The following PLXNB2 variants were observed in gnomAD, a reference collection of about 807,000 sequenced individuals.
PLXNB2 encodes plexin B2, also known as plexin-B2.
A neutral mutation model predicts 202.6 loss-of-function variants in PLXNB2; 85 were observed. That is an observed-to-expected ratio of 0.42 (90% CI 0.35 to 0.50). The LOEUF is 0.50. Ranked by LOEUF, PLXNB2 falls within the 20% of genes least tolerant of loss-of-function variation. The pLI, the probability that PLXNB2 is intolerant of heterozygous loss-of-function variation, is 0.02. For missense variants in PLXNB2, 2,063 were observed against 2,586.2 expected (o/e 0.80, Z 4.39); for synonymous variants, 1,239 against 1,137.6 (o/e 1.09, Z -1.79).
intron 25 of PLXNB2, among the ~76,000 whole-genome samples, 155 bp downstream of exon 25, chr22:50,280,334 G>A (rs1362712757): frequency 2.6e-5 from 4 of 152,204 alleles, no homozygotes; most frequent in Non-Finnish European, 5.9e-5. Context: ...TTTGTGGCCG[G>A]GGACACCACC....
rs1275635206 is a variant in PLXNB2 at position 50,282,082 on chromosome 22, C to T, written c.3118-1G>A. The T allele has an allele frequency of 1.2e-6, 2 of 1,610,024 alleles. No homozygotes were observed. Among genetic ancestry groups the T allele is most frequent in the Non-Finnish European group, 1.7e-6 (2 of 1,179,318 alleles). On this transcript the variant is annotated splice_acceptor_variant, in intron 19 of 36. Coordinates refer to ENST00000359337, the MANE Select transcript of PLXNB2 (RefSeq NM_012401.4). LOFTEE classifies it high-confidence loss of function. ...GGAACACGTAGTCTGTACCCACCAC[C>T]TGCAGGCAAGTCCCAGCTGTCAGCC... is the stretch of plus-strand genomic sequence containing the variant.
chr22:50,300,121 C>T (rs2067587095), intron 1 of PLXNB2, among the ~76,000 whole-genome samples: 3 of 152,268 alleles, frequency 2.0e-5, no homozygotes, highest in Admixed American at 2.0e-4. Flanking sequence ...CTCGGCCTCG[C>T]GCACCTGGAG....
chr22:50,294,647 T>C (rs2067130139), intron 2 of PLXNB2, 72 bp downstream of exon 2: 5 of 631,472 alleles, frequency 7.9e-6, no homozygotes, highest in Non-Finnish European at 9.9e-6. Context: ...CACATGGCAG[T>C]TCTAGATACC....
chr22:50,276,033 G>C (rs539166417), intron 35 of PLXNB2, 70 bp from the exon 36 acceptor site: 1 of 1,447,276 alleles, frequency 6.9e-7, no homozygotes, highest in African/African-American at 1.4e-5. Context: ...GGAGTAGTAC[G>C]GGACGCCCAG....
At position 50,297,452 on chromosome 22, in the gene PLXNB2, C is replaced by G. The variant is rs1257359219; in HGVS notation, c.-73-2674G>C. ...TTCTGCCGTCCTCTTCCCTGGCCCT[C>G]ACCGTGGAGAACGGCCATGGATTTC... is the stretch of plus-strand genomic sequence containing the variant. On this transcript the variant is annotated intron_variant, in intron 1 of 36. Transcript: ENST00000359337. The surrounding 1 kb of genome is among the most constrained non-coding windows in gnomAD (Gnocchi z 5.3). Among the ~76,000 whole-genome samples the G allele has an allele frequency of 6.6e-6, 1 of 152,198 alleles. No individual in the cohort carries two copies. Among genetic ancestry groups the G allele is most frequent in the Non-Finnish European group, 1.5e-5 (1 of 68,026 alleles).
In PLXNB2 at chr22:50,275,530, A is replaced by G. The variant is rs533084013; in HGVS notation, c.*174T>C. On this transcript the variant is annotated 3_prime_UTR_variant, in exon 37 of 37. Transcript: ENST00000359337. ...GGTGCGGTGCCCGGCGGTATTGCTC[A>G]GAGGAAGATGCTACAGTCTAGACGC... The G allele has an allele frequency of 1.8e-5, 12 of 663,824 alleles. No individual in the cohort carries two copies. The highest frequency in any genetic ancestry group is 2.8e-5 in the Non-Finnish European group (10 of 360,090). The allele number at this position is 663,824 out of a possible 1,614,324, so 41.1% of individuals were successfully genotyped here.
At chr22:50,287,371 TC>T in intron 7 of PLXNB2, 107 bp from the exon 8 acceptor site, 1 of 1,260,378 alleles carries the variant, frequency 7.9e-7, no homozygotes, top group Non-Finnish European at 1.1e-6. Context: ...CAGTGGAGCC[TC>T]CAGAACCCGA....
At position 50,297,976 on chromosome 22, in the gene PLXNB2, T is replaced by C. The variant is rs1028034244; in HGVS notation, c.-73-3198A>G. ...GTGCTCCCTGGAAAGCCCCTGCCCA[T>C]CCTTTAGACCCCGAGACACCCTCCC... On this transcript the variant is annotated intron_variant, in intron 1 of 36. Transcript: ENST00000359337. The surrounding 1 kb of genome is among the most constrained non-coding windows in gnomAD (Gnocchi z 5.3). Among the ~76,000 whole-genome samples, 2 of 152,090 alleles carry C rather than the reference T, an allele frequency of 1.3e-5. No individual in the cohort carries two copies. Among genetic ancestry groups the C allele is most frequent in the Non-Finnish European group, 2.9e-5 (2 of 68,010 alleles).
At chr22:50,296,680 C>T (rs1227064895) in intron 1 of PLXNB2, among the ~76,000 whole-genome samples, 1 of 151,926 alleles carries the variant, frequency 6.6e-6, no homozygotes, top group Non-Finnish European at 1.5e-5. Context: ...CTCTCCAGGC[C>T]CTCAATAGCC....
chr22:50,306,393 G>GC (rs2147740736), intron 1 of PLXNB2, among the ~76,000 whole-genome samples: 1 of 152,316 alleles, frequency 6.6e-6, no homozygotes, highest in South Asian at 2.1e-4. Flanking sequence ...CCCTCCGGGA[G>GC]ACCCTCACCT....
rs766073158 is a variant in PLXNB2, at chr22:50,282,034, G to A, written c.3165C>T (p.Phe1055=). Reference sequence around the variant, plus strand: ...GCTCCTCAGGCACAGCCGGGGACAGGAAGACGACCTTGGTGTCATTGTGGA... The same window carrying A: ...GCTCCTCAGGCACAGCCGGGGACAGAAAGACGACCTTGGTGTCATTGTGGA... The part of the protein sequence containing the change: ...YVFHNDTKVV[F]LSPAVPEEPE... The change falls in exon 20 of 37, where the codon TTC becomes TTT. Residue 1055 remains phenylalanine, a synonymous_variant. Transcript: ENST00000359337. 3.1e-6 allele frequency: 5 copies of A among 1,612,912 alleles called. No individual in the cohort carries two copies. In the Admixed American group the frequency reaches 5.0e-5, roughly 16 times the overall value.
At position 50,289,104 on chromosome 22, in the gene PLXNB2, C is replaced by T. The variant is rs772181387; in HGVS notation, c.1107G>A (p.Leu369=). 6.3e-7 allele frequency: 1 copy of T among 1,588,458 alleles called. No homozygotes were observed. Among genetic ancestry groups the T allele is most frequent in the Non-Finnish European group, 8.6e-7 (1 of 1,167,800 alleles). Residue 369 remains leucine, a synonymous_variant, in exon 4 of 37, where the codon CTG becomes CTA. Coordinates refer to ENST00000359337, the MANE Select transcript of PLXNB2 (RefSeq NM_012401.4). This position sits in a 1 kb window ranked among gnomAD's most constrained non-coding sequence, Gnocchi z 8.0. ...CGTCGCGGCTGCCCAGCGGGTAGGG[C>T]AGGTGCTCCGAGCCACATGGGAAGC... ...SKSFPCGSEH[L]PYPLGSRDGL... is the part of the protein sequence containing the mutation.
Position 50,279,647 on chromosome 22 carries a change from C to T in PLXNB2, c.4372G>A (p.Val1458Met). 1 of 1,613,860 alleles carries T rather than the reference C, an allele frequency of 6.2e-7. No homozygotes were observed. Residue 1458 changes from valine to methionine, a missense_variant, in exon 27 of 37, where the codon GTG (valine) becomes ATG (methionine). By Grantham distance (21) the Val-to-Met change is conservative. This residue lies in a region of PLXNB2 where 760 missense variants were observed against 1,109.4 expected (regional missense o/e 0.69). Transcript: ENST00000359337. ...LNDTGLLGDD[V>M]EYAPLTVSVI... is the part of the protein sequence containing the mutation. The stretch of plus-strand genomic sequence containing the variant: ...AAGCTCACCAGGGGTGCGTACTCCA[C>T]ATCATCCCCCAGCAGCCCCGTGTCG...
rs755537905 is a variant in PLXNB2 at position 50,278,967 on chromosome 22, C to T, written c.4434G>A (p.Pro1478=). ...IVQDEGVDAI[P]VKVLNCDTIS... ...TGGTGTCACAGTTGAGGACCTTCACCGGGATGGCGTCCACTCCCTCGTCCT... is the reference window on the plus strand; with the variant it reads ...TGGTGTCACAGTTGAGGACCTTCACTGGGATGGCGTCCACTCCCTCGTCCT... Residue 1478 remains proline (P), a synonymous_variant, in exon 28 of 37, where the codon CCG becomes CCA. Transcript: ENST00000359337. 1.2e-5 allele frequency: 19 copies of T among 1,613,530 alleles called. No individual in the cohort carries two copies. Among genetic ancestry groups the T allele is most frequent in the Admixed American group, 6.7e-5 (4 of 59,996 alleles).
chr22:50,284,183 G>A lies in PLXNB2; in HGVS notation c.2212C>T (p.Leu738=). ...CCGTAAGACTTGACGTAGAGGTGCAGGGGCAGCGTCTCGTTGGCATCGTGG... is the reference window on the plus strand; with the variant it reads ...CCGTAAGACTTGACGTAGAGGTGCAAGGGCAGCGTCTCGTTGGCATCGTGG... The part of the protein sequence containing the change: ...LSHDANETLP[L]HLYVKSYGKN... The change falls in exon 13 of 37, where the codon CTG becomes TTG. Residue 738 remains leucine (L), a synonymous_variant. Coordinates refer to ENST00000359337, the MANE Select transcript of PLXNB2 (RefSeq NM_012401.4). The surrounding 1 kb of genome is among the most constrained non-coding windows in gnomAD (Gnocchi z 8.0). The A allele has an allele frequency of 6.2e-7, 1 of 1,612,842 alleles. No individual in the cohort carries two copies. The highest frequency in any genetic ancestry group is 8.5e-7 in the Non-Finnish European group (1 of 1,179,758).
At position 50,277,926 on chromosome 22, in the gene PLXNB2, C is replaced by T. The variant is rs1320343171; in HGVS notation, c.4975G>A (p.Asp1659Asn). ...AVPPAVKYFF[D>N]FLDEQAEKHN... ...TTCTCTGCCTGCTCGTCCAGGAAGT[C>T]GAAGAAGTACTTGACTGCAGGTGGC... The change falls in exon 32 of 37, where the codon GAC (aspartate) becomes AAC (asparagine). Residue 1659 changes from aspartate (D) to asparagine (N), a missense_variant. Around this residue, in one of 2 missense-constraint regions of PLXNB2, gnomAD observed 760 missense variants for 1,109.4 expected, o/e 0.69. Coordinates refer to ENST00000359337, the MANE Select transcript of PLXNB2 (RefSeq NM_012401.4). The T allele has an allele frequency of 6.2e-6, 10 of 1,613,062 alleles. No homozygotes were observed. The highest frequency in any genetic ancestry group is 5.5e-5 in the South Asian group (5 of 91,074).
rs985664639 is a variant in PLXNB2 at position 50,289,838 on chromosome 22, C to G, written c.747G>C (p.Met249Ile). 6.2e-7 allele frequency: 1 copy of G among 1,613,308 alleles called. No homozygotes were observed. The highest frequency in any genetic ancestry group is 2.2e-5 in the East Asian group (1 of 44,894). ...PARNRTLLAR[M>I]CREDPNYYSY... ...AGTAGTAGTTGGGGTCTTCTCTGCA[C>G]ATGCGTGCCAGCAGCGTGCGGTTCC... Residue 249 changes from methionine to isoleucine, a missense_variant, in exon 3 of 37, where the codon ATG (methionine) becomes ATC (isoleucine). Coordinates refer to ENST00000359337, the MANE Select transcript of PLXNB2 (RefSeq NM_012401.4). This position sits in a 1 kb window ranked among gnomAD's most constrained non-coding sequence, Gnocchi z 8.0.
At position 50,277,703 on chromosome 22, in the gene PLXNB2, T is replaced by C; in HGVS notation, c.5084A>G (p.Asn1695Ser). Residue 1695 changes from asparagine to serine, a missense_variant, in exon 33 of 37, where the codon AAC becomes AGC. Asn to Ser is a conservative substitution (Grantham distance 46). Transcript: ENST00000359337. Reference sequence around the variant, plus strand: ...ATGCACGTCAAAGATGAAGTGGGGGTTCTTGAGGATGTTCACCCAGAACCG... The same window carrying C: ...ATGCACGTCAAAGATGAAGTGGGGGCTCTTGAGGATGTTCACCCAGAACCG... ...PLRFWVNILKNPHFIFDVHVH... is the reference protein window; with the variant it reads ...PLRFWVNILKSPHFIFDVHVH... The C allele has an allele frequency of 6.2e-7, 1 of 1,602,766 alleles. No individual in the cohort carries two copies. Among genetic ancestry groups the C allele is most frequent in the Non-Finnish European group, 8.5e-7 (1 of 1,173,200 alleles).
Position 50,284,196 on chromosome 22 carries a change from G to A in PLXNB2, c.2199C>T (p.Asn733=), listed in dbSNP as rs375695976. ...FRTPKLSHDA[N]ETLPLHLYVK... ...CGTAGAGGTGCAGGGGCAGCGTCTC[G>A]TTGGCATCGTGGGACAGCTGGGGGA... The change falls in exon 13 of 37, where the codon AAC becomes AAT. Residue 733 remains asparagine, a synonymous_variant. Coordinates refer to ENST00000359337, the MANE Select transcript of PLXNB2 (RefSeq NM_012401.4). The surrounding 1 kb of genome is among the most constrained non-coding windows in gnomAD (Gnocchi z 8.0). 182 of 1,612,672 alleles carry A rather than the reference G, an allele frequency of 1.1e-4. No individual in the cohort carries two copies. Among genetic ancestry groups the A allele is most frequent in the Middle Eastern group, 3.3e-4 (2 of 6,080 alleles).
Sources: gnomAD v4.1 joint callset for allele counts (sites outside exome capture counted in the v4.1 genomes callset) on GRCh38, gnomAD v4.1.1 for gene constraint, gnomAD v4.1.1 regional missense constraint, Gnocchi (gnomAD v3.1) non-coding constraint, MANE v1.5 for transcripts, NCBI Gene and HGNC (gene_info 2026-07-23, HGNC 2026-07-21) for gene names.